FAAH2: variants seen among roughly 807,000 people sequenced by gnomAD.
FAAH2 encodes the protein fatty-acid amide hydrolase 2.
Under a neutral mutation model 36.9 loss-of-function variants are expected in FAAH2, and 60 were observed. That is an observed-to-expected ratio of 1.63 (90% confidence interval 1.32 to 2.02). The LOEUF is 2.02. FAAH2 is among the 30% of genes most tolerant of loss of function. FAAH2 has a pLI of 0.00. For missense variants in FAAH2, 689 were observed against 397.5 expected (o/e 1.73, Z -6.23); for synonymous variants, 214 against 143.8 (o/e 1.49, Z -3.49).
intron 10 of FAAH2, among the ~76,000 whole-genome samples, chrX:57,487,082 C>T (rs1167733420): frequency 9.0e-6 from 1 of 110,909 alleles, no homozygotes; most frequent in Non-Finnish European, 1.9e-5. Context: ...TATCTACGTG[C>T]AAAAGAATAA....
the FAAH2 span, among the ~76,000 whole-genome samples, chrX:57,237,738 G>A: frequency 1.5e-3 from 167 of 110,245 alleles, no homozygotes; most frequent in African/African-American, 5.2e-3. Context: ...AAATTTTTTG[G>A]AAACTATGCA....
Position 57,431,787 on chromosome X carries a change from G to GGTTTTTTTT in FAAH2, c.997-131_997-130insGTTTTTTTT, listed in dbSNP as rs1556012969. 27 of 129,290 alleles carry GGTTTTTTTT rather than the reference G, an allele frequency of 2.1e-4. 3 individuals carry two copies. The highest frequency in any genetic ancestry group is 3.0e-4 in the Non-Finnish European group (24 of 79,179). The allele number at this position is 129,290 out of a possible 1,213,427, so 10.7% of individuals were successfully genotyped here. A position where few individuals can be genotyped will look rare whatever the true frequency, so the allele number is the denominator to read the frequency against. On this transcript the variant is annotated intron_variant, in intron 7 of 10. Transcript: ENST00000374900. ...TGTTTTTTTGTTTTTTTGTTTTTTT[G>GGTTTTTTTT]TTTTTTTTGGTGTTTCCATGGGGCA...
chrX:57,465,611 A>G (rs1395455289), intron 10 of FAAH2, among the ~76,000 whole-genome samples: 1 of 111,232 alleles, frequency 9.0e-6, no homozygotes, highest in African/African-American at 3.3e-5. Context: ...AGACAAAATA[A>G]AAACCTTTGC....
At chrX:57,432,154 A>G in intron 8 of FAAH2, 117 bp downstream of exon 8, 1 of 582,857 alleles carries the variant, frequency 1.7e-6, no homozygotes. Flanking sequence ...AAATAAGTAA[A>G]ATAGTAAAAT....
intron 4 of FAAH2, among the ~76,000 whole-genome samples, chrX:57,333,869 C>T (rs1244218328): frequency 9.0e-6 from 1 of 111,657 alleles, no homozygotes; most frequent in African/African-American, 3.2e-5. Flanking sequence ...AAAAAAACTA[C>T]ACCTAGCATA....
intron 2 of FAAH2, among the ~76,000 whole-genome samples, chrX:57,293,173 T>A (rs1241536774): frequency 9.0e-6 from 1 of 110,979 alleles, no homozygotes; most frequent in African/African-American, 3.3e-5. Flanking sequence ...ATGTACCATC[T>A]TTAGGATTTT....
intron 2 of FAAH2, among the ~76,000 whole-genome samples, chrX:57,310,151 G>T (rs1184307300): frequency 9.0e-6 from 1 of 111,572 alleles, no homozygotes; most frequent in Admixed American, 9.5e-5. Flanking sequence ...TCTCATTTAG[G>T]TTTTTATTTG....
chrX:57,258,696 G>T, the FAAH2 span, among the ~76,000 whole-genome samples: 3 of 98,068 alleles, frequency 3.1e-5, no homozygotes, highest in African/African-American at 8.2e-5. Flanking sequence ...CTATAAAAAG[G>T]TTTTTTTGTT....
the FAAH2 span, among the ~76,000 whole-genome samples, chrX:57,160,199 T>C: frequency 1.8e-5 from 2 of 112,063 alleles, no homozygotes; most frequent in African/African-American, 6.5e-5. Flanking sequence ...CACTTGATCA[T>C]GGTGGATAAG....
chrX:57,226,501 T>C, the FAAH2 span, among the ~76,000 whole-genome samples: 1 of 112,000 alleles, frequency 8.9e-6, no homozygotes, highest in Non-Finnish European at 1.9e-5. Flanking sequence ...GGTTGTAGGG[T>C]TTCTGCTGAG....
chrX:57,413,224 T>G (rs752245789), intron 7 of FAAH2, among the ~76,000 whole-genome samples: 5 of 112,446 alleles, frequency 4.4e-5, no homozygotes, highest in African/African-American at 1.3e-4. Context: ...CTCTTTAGTT[T>G]AATTAGATTC....
At chrX:57,356,797 T>G (rs1329876430) in intron 5 of FAAH2, among the ~76,000 whole-genome samples, 1 of 110,935 alleles carries the variant, frequency 9.0e-6, no homozygotes, top group Non-Finnish European at 1.9e-5. Context: ...TTTATTTATT[T>G]TAATTATTAT....
At chrX:57,134,421 T>A in the FAAH2 span, 1 of 111,200 alleles carries the variant, frequency 9.0e-6, no homozygotes, top group Non-Finnish European at 1.9e-5. Flanking sequence ...CTAACCAGAA[T>A]GTGGCTTCTT....
upstream of FAAH2, among the ~76,000 whole-genome samples, chrX:57,283,854 G>A (rs920868660): frequency 4.5e-5 from 5 of 112,058 alleles, no homozygotes; most frequent in Non-Finnish European, 7.5e-5. Context: ...CCTCAGAAAC[G>A]CAGAGCTGCT....
intron 5 of FAAH2, among the ~76,000 whole-genome samples, chrX:57,361,382 G>C (rs1407480175): frequency 9.0e-6 from 1 of 111,052 alleles, no homozygotes; most frequent in African/African-American, 3.3e-5. Flanking sequence ...GCATGAGGTT[G>C]TTTATAAACT....
At chrX:57,454,018 G>A (rs1254654966) in intron 10 of FAAH2, among the ~76,000 whole-genome samples, 2 of 110,981 alleles carry the variant, frequency 1.8e-5, no homozygotes, top group African/African-American at 6.6e-5. Context: ...AGTGATCGAA[G>A]GGGGCTCCTC....
rs758732093 is a variant in FAAH2, at chrX:57,463,808, G to A, written c.1423+15090G>A. On this transcript the variant is annotated intron_variant, in intron 10 of 10. Transcript: ENST00000374900. The stretch of plus-strand genomic sequence containing the variant: ...GAATGCTTTTACACTGATGGTGGAA[G>A]TGTAAATTATTTCAACCATTGTGGA... 1.3e-4 allele frequency among the ~76,000 whole-genome samples: 14 copies of A among 111,736 alleles called. No homozygotes were observed. The East Asian group carries it at 4.0e-3, about 32-fold the overall frequency.
intron 7 of FAAH2, among the ~76,000 whole-genome samples, chrX:57,391,283 GTTGA>G (rs778738099): frequency 3.1e-4 from 34 of 111,399 alleles, no homozygotes; most frequent in Non-Finnish European, 5.5e-4. Context: ...TTTTTGCTCT[GTTGA>G]TTATTTCCTT....
At chrX:57,414,055 G>A (rs1480045797) in intron 7 of FAAH2, among the ~76,000 whole-genome samples, 2 of 112,072 alleles carry the variant, frequency 1.8e-5, no homozygotes, top group Non-Finnish European at 3.8e-5. Context: ...TTTGCACATT[G>A]ATTTTGTATC....
Sources: allele counts gnomAD v4.1 joint callset (sites outside exome capture counted in the v4.1 genomes callset), GRCh38; gene constraint gnomAD v4.1.1; transcripts MANE v1.5; gene names NCBI Gene and HGNC (gene_info 2026-07-23, HGNC 2026-07-21).